The following GSE1 variants were observed in gnomAD, a reference collection of about 807,000 sequenced individuals.
GSE1 encodes Gse1 coiled-coil protein, also known as genetic suppressor element 1.
Under a neutral mutation model 112.6 loss-of-function variants are expected in GSE1, and 32 were observed. That is an observed-to-expected ratio of 0.28 (90% CI 0.21 to 0.38). GSE1 has a LOEUF of 0.38. GSE1 is among the 10% of genes least tolerant of loss of function. The pLI is 1.00. For missense variants in GSE1, 2,348 were observed against 1,699.2 expected (o/e 1.38, Z -6.71); for synonymous variants, 1,115 against 735.6 (o/e 1.52, Z -8.35).
intron 11 of GSE1, 130 bp downstream of exon 11, chr16:85,663,744 T>C: frequency 2.3e-6 from 2 of 876,594 alleles, no homozygotes; most frequent in Non-Finnish European, 3.5e-6. Context: ...CCTTTACTCC[T>C]CCCGGCTCCC....
chr16:85,275,592 C>T (rs969456526), intron 1 of GSE1, among the ~76,000 whole-genome samples: 6 of 152,166 alleles, frequency 3.9e-5, no homozygotes, highest in Non-Finnish European at 7.4e-5. Context: ...CCTGTGGCAT[C>T]CTCTCTGGGC....
intron 1 of GSE1, among the ~76,000 whole-genome samples, chr16:85,256,673 C>T (rs1907117041): frequency 6.6e-6 from 1 of 152,280 alleles, no homozygotes; most frequent in East Asian, 1.9e-4. Context: ...CCAGCTCAGA[C>T]CCCATGTCTG....
intron 1 of GSE1, among the ~76,000 whole-genome samples, chr16:85,289,592 C>G (rs552276929): frequency 6.6e-6 from 1 of 152,334 alleles, no homozygotes; most frequent in South Asian, 2.1e-4. Context: ...GGCCACAGAC[C>G]ACACTTTGAG....
At chr16:85,610,211 G>A (rs547530835), upstream of GSE1, among the ~76,000 whole-genome samples, 132 of 152,344 alleles carry the variant, frequency 8.7e-4, no homozygotes, top group South Asian at 0.026. Flanking sequence ...AAGGAGCACC[G>A]CGTGCAGCAT....
In GSE1 at chr16:85,230,482, G is replaced by C. The variant is rs1019440714; in HGVS notation, c.2283+58675G>C. On this transcript the variant is annotated intron_variant, in intron 1 of 2. Transcript: ENST00000637419. ...TCGTGTAACCGATGGGGTGACATTG[G>C]CTTCAGCCTCTTGGATGCAGGACTC... Among the ~76,000 whole-genome samples, 9 of 152,172 alleles carry C rather than the reference G, an allele frequency of 5.9e-5. No individual in the cohort carries two copies. The South Asian group carries it at 1.2e-3, about 21-fold the overall frequency.
Position 85,648,665 on chromosome 16 carries a change from G to A in GSE1, c.340G>A (p.Gly114Ser). ...PMGPIIVPPG[G>S]HSVPSTPPVV... ...GGGCCCTATCATCGTCCCCCCTGGG[G>A]GCCACAGCGTGCCCAGCACCCCCCC... is the stretch of plus-strand genomic sequence containing the variant. Residue 114 changes from glycine to serine, a missense_variant, in exon 3 of 16, where the codon GGC becomes AGC. Transcript: ENST00000253458. 6.2e-7 allele frequency: 1 copy of A among 1,603,796 alleles called. No homozygotes were observed. Among genetic ancestry groups the A allele is most frequent in the Non-Finnish European group, 8.5e-7 (1 of 1,173,130 alleles).
chr16:85,616,852 GCTC>G (rs2048402065), intron 1 of GSE1, among the ~76,000 whole-genome samples: 2 of 152,146 alleles, frequency 1.3e-5, no homozygotes, highest in Admixed American at 6.5e-5. Flanking sequence ...AATTTATTGA[GCTC>G]CTCCTCTGAA....
In GSE1 at chr16:85,674,155, G is replaced by GGCAGGGTGCCTGACCTGTGT. The variant is rs2053552633; in HGVS notation, c.*1619_*1638dup. 2.0e-5 allele frequency: 3 copies of GGCAGGGTGCCTGACCTGTGT among 152,438 alleles called. No homozygotes were observed. Among genetic ancestry groups the GGCAGGGTGCCTGACCTGTGT allele is most frequent in the African/African-American group, 7.2e-5 (3 of 41,504 alleles). The allele number at this position is 152,438 out of a possible 1,614,324, so 9.4% of individuals were successfully genotyped here. On this transcript the variant is annotated 3_prime_UTR_variant, in exon 16 of 16. Coordinates refer to ENST00000253458, the MANE Select transcript of GSE1 (RefSeq NM_014615.5). The stretch of plus-strand genomic sequence containing the variant: ...CTGGGGGGTGGAGGCCTGAGCTGAG[G>GGCAGGGTGCCTGACCTGTGT]GCAGGGTGCCTGACCTGTGTGCCGG...
chr16:85,536,319 CAGTA>C (rs968269459), intron 2 of GSE1, among the ~76,000 whole-genome samples: 2 of 152,216 alleles, frequency 1.3e-5, no homozygotes, highest in African/African-American at 4.8e-5. Flanking sequence ...AACCTTCTCT[CAGTA>C]AGTAACAGTG....
At chr16:85,356,491 T>C (rs974646698) in intron 1 of GSE1, among the ~76,000 whole-genome samples, 3 of 152,166 alleles carry the variant, frequency 2.0e-5, no homozygotes, top group Non-Finnish European at 4.4e-5. Flanking sequence ...TGCAGGGACC[T>C]AGAAGAAATA....
At chr16:85,512,331 C>T (rs1428237757) in intron 2 of GSE1, among the ~76,000 whole-genome samples, 2 of 152,112 alleles carry the variant, frequency 1.3e-5, no homozygotes, top group African/African-American at 2.4e-5. Flanking sequence ...AGCCAGGCAC[C>T]CAGGACAGCT....
chr16:85,230,132 T>A lies in GSE1; in HGVS notation c.2283+58325T>A, dbSNP rs34152023. ...CCCAGGAGCCCTGCACTGTAAGTGG[T>A]GCTGTCTGCATTTTACACGTAGGAA... On this transcript the variant is annotated intron_variant, in intron 1 of 2. Transcript: ENST00000637419. 6.5e-3 allele frequency among the ~76,000 whole-genome samples: 986 copies of A among 152,346 alleles called. 8 individuals are homozygous for A. The highest frequency in any genetic ancestry group is 0.011 in the Non-Finnish European group (723 of 68,026).
chr16:85,515,913 C>T (rs938955572), intron 2 of GSE1, among the ~76,000 whole-genome samples: 5 of 152,178 alleles, frequency 3.3e-5, no homozygotes, highest in African/African-American at 9.7e-5. Context: ...TGTTCCCACC[C>T]GGAGCCTGGG....
At chr16:85,602,017 G>A (rs756870374) in intron 1 of GSE1, among the ~76,000 whole-genome samples, 3 of 152,088 alleles carry the variant, frequency 2.0e-5, no homozygotes, top group African/African-American at 4.8e-5. Context: ...GGGAGAAGAC[G>A]GGCCTGGAGG....
intron 2 of GSE1, among the ~76,000 whole-genome samples, chr16:85,379,034 A>G (rs546214558): frequency 2.5e-4 from 38 of 152,272 alleles, no homozygotes; most frequent in African/African-American, 7.7e-4. Context: ...CGCCTGCACC[A>G]TGCACAGAGC....
At chr16:85,428,854 G>T (rs578165568) in intron 2 of GSE1, among the ~76,000 whole-genome samples, 1 of 152,176 alleles carries the variant, frequency 6.6e-6, no homozygotes, top group Non-Finnish European at 1.5e-5. Context: ...AAACGCCTGG[G>T]GGGTCCCTGG....
At chr16:85,447,674 G>C (rs564988497) in intron 2 of GSE1, among the ~76,000 whole-genome samples, 69 of 152,336 alleles carry the variant, frequency 4.5e-4, no homozygotes, top group Admixed American at 3.3e-3. Flanking sequence ...GGCTCTGTGG[G>C]GCTCGGAGCT....
rs1195913046 is a variant in GSE1 at position 85,672,449 on chromosome 16, G to A, written c.3564G>A (p.Arg1188=). 3 of 1,610,074 alleles carry A rather than the reference G, an allele frequency of 1.9e-6. No homozygotes were observed. Among genetic ancestry groups the A allele is most frequent in the East Asian group, 2.2e-5 (1 of 44,840 alleles). The part of the protein sequence containing the change: ...QKQKMVSERE[R]LQAELDHLRK... ...AGAAGATGGTCTCAGAAAGGGAGCG[G>A]CTCCAGGCAGAACTGGACCACTTAC... The change falls in exon 16 of 16, where the codon CGG becomes CGA. Residue 1188 remains arginine, a synonymous_variant. Coordinates refer to ENST00000253458, the MANE Select transcript of GSE1 (RefSeq NM_014615.5).
intron 1 of GSE1, among the ~76,000 whole-genome samples, chr16:85,626,150 T>G (rs1368391311): frequency 6.6e-6 from 1 of 151,478 alleles, no homozygotes; most frequent in Non-Finnish European, 1.5e-5. Flanking sequence ...AAAAAAAAAA[T>G]TAAGGCACAA....
Sources: allele counts gnomAD v4.1 joint callset (sites outside exome capture counted in the v4.1 genomes callset), GRCh38; gene constraint gnomAD v4.1.1; transcripts MANE v1.5; gene names NCBI Gene and HGNC (gene_info 2026-07-23, HGNC 2026-07-21).